Variants in CSMD3 observed in about 807,000 individuals in gnomAD.
CSMD3 encodes CUB and sushi domain-containing protein 3.
In CSMD3, 177 loss-of-function variants were observed where a neutral mutation model predicts 435.2. That is an observed-to-expected ratio of 0.41 (90% CI 0.36 to 0.46). The LOEUF is 0.46. CSMD3 is among the 20% of genes least tolerant of loss of function. The pLI is 0.34. For missense variants in CSMD3, 4,265 were observed against 4,504.6 expected, an observed-to-expected ratio of 0.95 and a Z score of 1.52; for synonymous variants, 1,656 against 1,520.5, an observed-to-expected ratio of 1.09 and a Z score of -2.07.
intron 35 of CSMD3, among the ~76,000 whole-genome samples, chr8:112,391,592 T>G (rs1830421480): frequency 6.6e-6 from 1 of 151,780 alleles, no homozygotes; most frequent in Non-Finnish European, 1.5e-5. Flanking sequence ...CTCTGGAGGC[T>G]GAGGCAGGAG....
intron 6 of CSMD3, among the ~76,000 whole-genome samples, chr8:113,003,121 T>C (rs1289273676): frequency 6.6e-6 from 1 of 152,058 alleles, no homozygotes. Flanking sequence ...GGCACATGCC[T>C]ATAATTCCAG....
At chr8:113,112,197 T>A (rs988250325) in intron 4 of CSMD3, among the ~76,000 whole-genome samples, 1 of 151,606 alleles carries the variant, frequency 6.6e-6, no homozygotes, top group African/African-American at 2.4e-5. Context: ...GTTTATACCA[T>A]TTTATTGCTG....
intron 13 of CSMD3, among the ~76,000 whole-genome samples, chr8:112,761,369 T>C (rs1449415135): frequency 6.6e-6 from 1 of 152,142 alleles, no homozygotes; most frequent in African/African-American, 2.4e-5. Context: ...GTAGAATGTA[T>C]TTTTACATTA....
chr8:113,178,584 A>C (rs1187282808), intron 3 of CSMD3, among the ~76,000 whole-genome samples: 1 of 151,906 alleles, frequency 6.6e-6, no homozygotes, highest in Non-Finnish European at 1.5e-5. Context: ...CATATAATGG[A>C]GAAATCTGAA....
chr8:113,187,199 C>A (rs1225312734), intron 3 of CSMD3, among the ~76,000 whole-genome samples: 1 of 151,058 alleles, frequency 6.6e-6, no homozygotes, highest in Non-Finnish European at 1.5e-5. Flanking sequence ...AAATTCCATT[C>A]CCCTCACCTT....
At chr8:112,611,018 T>C (rs1396568879) in intron 22 of CSMD3, among the ~76,000 whole-genome samples, 2 of 152,204 alleles carry the variant, frequency 1.3e-5, no homozygotes, top group African/African-American at 2.4e-5. Flanking sequence ...TGTGACATTA[T>C]AGATGAATTT....
chr8:112,685,338 A>T (rs7839990), intron 15 of CSMD3, 68 bp downstream of exon 15: 2 of 1,296,656 alleles, frequency 1.5e-6, no homozygotes, highest in Non-Finnish European at 2.2e-6. Context: ...ACCAATATAC[A>T]TGATCACTTT....
chr8:112,231,488 T>C (rs1000936320), intron 69 of CSMD3, 57 bp downstream of exon 69: 2 of 1,086,094 alleles, frequency 1.8e-6, no homozygotes, highest in African/African-American at 3.1e-5. Flanking sequence ...ACAGTCTTTT[T>C]TTTATGATGT....
intron 13 of CSMD3, among the ~76,000 whole-genome samples, chr8:112,711,237 T>A (rs988265857): frequency 1.3e-5 from 2 of 151,824 alleles, no homozygotes; most frequent in Non-Finnish European, 2.9e-5. Flanking sequence ...AAGAAAAAAA[T>A]TTTACCAGGG....
At chr8:112,907,049 A>C (rs2082282593) in intron 10 of CSMD3, among the ~76,000 whole-genome samples, 1 of 151,598 alleles carries the variant, frequency 6.6e-6, no homozygotes, top group Non-Finnish European at 1.5e-5. Flanking sequence ...TGGAGAAACT[A>C]CTGGTTTTAA....
chr8:113,434,230 G>A (rs1586198698), intron 1 of CSMD3, among the ~76,000 whole-genome samples: 1 of 152,110 alleles, frequency 6.6e-6, no homozygotes, highest in East Asian at 1.9e-4. Context: ...TGCCTGCCTC[G>A]GACTTCCTGG....
At chr8:112,948,800 G>T (rs2083703777) in intron 8 of CSMD3, among the ~76,000 whole-genome samples, 1 of 151,922 alleles carries the variant, frequency 6.6e-6, no homozygotes, top group African/African-American at 2.4e-5. Flanking sequence ...ACTGTGAACT[G>T]AAAACACAGG....
chr8:112,289,203 C>T (rs1182536093), intron 57 of CSMD3, among the ~76,000 whole-genome samples, 162 bp downstream of exon 57: 1 of 152,112 alleles, frequency 6.6e-6, no homozygotes, highest in East Asian at 1.9e-4. Context: ...TAGCCTTACA[C>T]ATATTCCAGT....
At chr8:112,280,740 C>G (rs1818551098) in intron 59 of CSMD3, among the ~76,000 whole-genome samples, 1 of 151,968 alleles carries the variant, frequency 6.6e-6, no homozygotes, top group East Asian at 1.9e-4. Context: ...AACAAGAGAG[C>G]AAATCAGTTA....
rs983873036 is a variant in CSMD3 at position 112,812,148 on chromosome 8, A to T, written c.1860-11874T>A. Among the ~76,000 whole-genome samples the T allele has an allele frequency of 2.6e-5, 4 of 152,270 alleles. No homozygotes were observed. The East Asian group carries it at 7.7e-4, about 29-fold the overall frequency. ...GATGCAGCCAGCAGGAGGGAAAGGC[A>T]GTCTCCCAATAGATAGAAACACCTG... On this transcript the variant is annotated intron_variant, in intron 12 of 70. Coordinates refer to ENST00000297405, the MANE Select transcript of CSMD3 (RefSeq NM_198123.2).
At chr8:113,356,449 AAAAC>A (rs2094228706) in intron 1 of CSMD3, among the ~76,000 whole-genome samples, 1 of 152,176 alleles carries the variant, frequency 6.6e-6, no homozygotes, top group Non-Finnish European at 1.5e-5. Flanking sequence ...TATGAACAAA[AAAAC>A]AAGGAAGATT....
At chr8:112,315,274 A>G (rs1208013562) in intron 47 of CSMD3, among the ~76,000 whole-genome samples, 1 of 151,882 alleles carries the variant, frequency 6.6e-6, no homozygotes, top group Non-Finnish European at 1.5e-5. Context: ...CACACTATAA[A>G]AACACATAAA....
chr8:112,955,381 T>C (rs1038819704), intron 7 of CSMD3, among the ~76,000 whole-genome samples: 5 of 151,726 alleles, frequency 3.3e-5, no homozygotes, highest in Non-Finnish European at 5.9e-5. Context: ...AATATCTTAC[T>C]ACAATTTTTA....
chr8:112,326,638 C>T (rs1823539366), intron 45 of CSMD3, among the ~76,000 whole-genome samples: 1 of 152,208 alleles, frequency 6.6e-6, no homozygotes, highest in African/African-American at 2.4e-5. Flanking sequence ...CTGACGTGAC[C>T]TTCCTCACAA....
Sources: gnomAD v4.1 joint callset for allele counts (sites outside exome capture counted in the v4.1 genomes callset) on GRCh38, gnomAD v4.1.1 for gene constraint, MANE v1.5 for transcripts, NCBI Gene and HGNC (gene_info 2026-07-23, HGNC 2026-07-21) for gene names.